The following PRDM1 variants were observed in gnomAD, a reference collection of about 807,000 sequenced individuals.
PRDM1 encodes the protein PR/SET domain 1.
PRDM1 carries 13 observed loss-of-function variants against 62.8 expected under a neutral mutation model. That is an observed-to-expected ratio of 0.21 (90% CI 0.13 to 0.33). PRDM1 has a LOEUF of 0.33. Ranked by LOEUF, PRDM1 falls within the 10% of genes least tolerant of loss-of-function variation. The pLI is 1.00. For missense variants in PRDM1, 895 were observed against 1,058.8 expected (o/e 0.85, Z 2.15); for synonymous variants, 396 against 417.6 (o/e 0.95, Z 0.63).
chr6:106,084,254 G>A (rs368958530), upstream of PRDM1, among the ~76,000 whole-genome samples: 27 of 151,838 alleles, frequency 1.8e-4, no homozygotes, highest in Admixed American at 1.0e-3. Context: ...AGTTCTACCC[G>A]TGGCCTTGTC....
Position 106,106,051 on chromosome 6 carries a change from T to C in PRDM1, c.1773+118T>C. 2 of 1,424,130 alleles carry C rather than the reference T, an allele frequency of 1.4e-6. No individual in the cohort carries two copies. The highest frequency in any genetic ancestry group is 9.3e-7 in the Non-Finnish European group (1 of 1,071,390). 88.2% of individuals were successfully genotyped at this position (1,424,130 alleles called of 1,614,324 possible). A position where few individuals can be genotyped will look rare whatever the true frequency, so the allele number is the denominator to read the frequency against. ...AGTAGTATGAGCCCCCGGTTGGGGATAGTGGGTATGGATTCCGCCTGGCTT... is the reference window on the plus strand; with the variant it reads ...AGTAGTATGAGCCCCCGGTTGGGGACAGTGGGTATGGATTCCGCCTGGCTT... On this transcript the variant is annotated intron_variant, in intron 5 of 6. Coordinates refer to ENST00000369096, the MANE Select transcript of PRDM1 (RefSeq NM_001198.4). The surrounding 1 kb of genome is among the most constrained non-coding windows in gnomAD (Gnocchi z 4.4).
chr6:106,089,066 A>G (rs948233234), intron 2 of PRDM1, among the ~76,000 whole-genome samples: 5 of 152,212 alleles, frequency 3.3e-5, no homozygotes, highest in African/African-American at 9.6e-5. Context: ...TGGCAGGCCA[A>G]TTCCTTACTG....
chr6:106,099,209 C>A, intron 3 of PRDM1, 91 bp from the exon 4 acceptor site: 1 of 1,602,446 alleles, frequency 6.2e-7, no homozygotes, highest in East Asian at 2.2e-5. Flanking sequence ...GATCAGAAAT[C>A]ACACACGGTA....
chr6:106,033,556 T>C (rs535154682), intron 1 of PRDM1, among the ~76,000 whole-genome samples: 1 of 152,188 alleles, frequency 6.6e-6, no homozygotes, highest in South Asian at 2.1e-4. Flanking sequence ...CCTCAAGCAA[T>C]CCTCCCACCT....
chr6:106,040,623 C>T (rs1040447292), intron 1 of PRDM1, among the ~76,000 whole-genome samples: 7 of 152,174 alleles, frequency 4.6e-5, no homozygotes, highest in African/African-American at 1.7e-4. Context: ...CAGATACATA[C>T]CTACTTGACT....
intron 1 of PRDM1, among the ~76,000 whole-genome samples, chr6:106,057,226 G>A (rs1773280985): frequency 6.6e-6 from 1 of 152,158 alleles, no homozygotes; most frequent in Non-Finnish European, 1.5e-5. Context: ...CCATGATATT[G>A]AGAATATGCT....
At position 106,107,063 on chromosome 6, in the gene PRDM1, G is replaced by GC; in HGVS notation, c.2059dup (p.His687ProfsTer15). 1 of 1,614,176 alleles carries GC rather than the reference G, an allele frequency of 6.2e-7. No homozygotes were observed. The highest frequency in any genetic ancestry group is 8.5e-7 in the Non-Finnish European group (1 of 1,180,034). ...ACAAGCGTCTGCACACCCGGGAGCG[G>GC]CCCCACAAGTGCTCCCAGTGCCACA... On this transcript the variant is annotated frameshift_variant, in exon 7 of 7. Transcript: ENST00000369096. LOFTEE classifies it high-confidence loss of function.
chr6:106,085,672 A>C (rs1168170315), upstream of PRDM1, among the ~76,000 whole-genome samples: 1 of 152,224 alleles, frequency 6.6e-6, no homozygotes, highest in Non-Finnish European at 1.5e-5. Context: ...CTAATGCTCT[A>C]CATTTTACTT....
chr6:106,038,685 G>C (rs953150021), intron 1 of PRDM1, among the ~76,000 whole-genome samples: 1 of 152,196 alleles, frequency 6.6e-6, no homozygotes, highest in Non-Finnish European at 1.5e-5. Flanking sequence ...TTGGAGGATA[G>C]AGTCCCTTTT....
chr6:106,003,809 A>G (rs4946715), intron 1 of PRDM1, among the ~76,000 whole-genome samples: 138,587 of 152,224 alleles, frequency 0.91, 63,207 homozygotes, highest in African/African-American at 0.96. Flanking sequence ...TCCAGATCTT[A>G]CTTATTTTTG....
In PRDM1 at chr6:106,098,882, C is replaced by G. The variant is rs1774186164; in HGVS notation, c.412-418C>G. The G allele has an allele frequency of 3.3e-6, 5 of 1,511,828 alleles. No individual in the cohort carries two copies. The East Asian group carries it at 1.2e-4, about 37-fold the overall frequency. The allele number at this position is 1,511,828 out of a possible 1,614,324, so 93.7% of individuals were successfully genotyped here. On this transcript the variant is annotated intron_variant, in intron 3 of 6. Coordinates refer to ENST00000369096, the MANE Select transcript of PRDM1 (RefSeq NM_001198.4). Reference sequence around the variant, plus strand: ...GACTCAGTTTGACGTCGTCAGCCGGCTTGGTCTTCTACCCAGTGACTCAAA... The same window carrying G: ...GACTCAGTTTGACGTCGTCAGCCGGGTTGGTCTTCTACCCAGTGACTCAAA...
upstream of PRDM1, among the ~76,000 whole-genome samples, chr6:106,044,392 G>T (rs1310248876): frequency 6.6e-6 from 1 of 152,034 alleles, no homozygotes; most frequent in Non-Finnish European, 1.5e-5. Context: ...TTATTTTGTT[G>T]TTAATAAATC....
At chr6:106,066,736 A>G (rs1258665397) in intron 1 of PRDM1, among the ~76,000 whole-genome samples, 1 of 152,184 alleles carries the variant, frequency 6.6e-6, no homozygotes, top group Non-Finnish European at 1.5e-5. Flanking sequence ...ATGTGTTTCT[A>G]GTCTTTTTTT....
chr6:106,050,552 C>T (rs756990053), intron 1 of PRDM1, among the ~76,000 whole-genome samples: 1 of 151,974 alleles, frequency 6.6e-6, no homozygotes, highest in African/African-American at 2.4e-5. Context: ...AACAGATGAG[C>T]TCGTTTCTGA....
At chr6:106,013,177 C>CCTGGCCATACTCTTCAACAA (rs1772577893) in intron 1 of PRDM1, among the ~76,000 whole-genome samples, 1 of 152,022 alleles carries the variant, frequency 6.6e-6, no homozygotes, top group Non-Finnish European at 1.5e-5. Flanking sequence ...AGCCATCATG[C>CCTGGCCATACTCTTCAACAA]CTGGCCATAC....
At chr6:106,019,410 A>C (rs915109694) in intron 1 of PRDM1, among the ~76,000 whole-genome samples, 1 of 151,712 alleles carries the variant, frequency 6.6e-6, no homozygotes, top group Non-Finnish European at 1.5e-5. Flanking sequence ...TAGATCGCTC[A>C]TACTGAGTTT....
At chr6:106,087,369 T>A (rs1214557272) in intron 1 of PRDM1, among the ~76,000 whole-genome samples, 1 of 152,238 alleles carries the variant, frequency 6.6e-6, no homozygotes, top group African/African-American at 2.4e-5. Flanking sequence ...AAAGTGCTAT[T>A]TGTAGCTGAG....
intron 1 of PRDM1, among the ~76,000 whole-genome samples, chr6:105,999,029 C>T (rs1417550670): frequency 5.3e-5 from 8 of 151,048 alleles, no homozygotes; most frequent in Non-Finnish European, 8.9e-5. Context: ...CCTCAACCTC[C>T]TAGGCTCAAG....
chr6:106,074,879 C>G (rs1773577953), intron 1 of PRDM1, among the ~76,000 whole-genome samples: 1 of 152,174 alleles, frequency 6.6e-6, no homozygotes, highest in Non-Finnish European at 1.5e-5. Context: ...GAGGCTGAGG[C>G]ATGAGAATCG....
Sources: gnomAD v4.1 joint callset for allele counts (sites outside exome capture counted in the v4.1 genomes callset) on GRCh38, gnomAD v4.1.1 for gene constraint, Gnocchi (gnomAD v3.1) non-coding constraint, MANE v1.5 for transcripts, NCBI Gene and HGNC (gene_info 2026-07-23, HGNC 2026-07-21) for gene names.